CCDC178: variants seen among roughly 807,000 people sequenced by gnomAD.
CCDC178 encodes the protein coiled-coil domain-containing protein 178.
CCDC178 carries 126 observed loss-of-function variants against 117.4 expected under a neutral mutation model. That is an observed-to-expected ratio of 1.07 (90% CI 0.93 to 1.24). The LOEUF (loss-of-function observed/expected upper bound fraction) is 1.24, where lower values mean the gene tolerates loss of function less well. CCDC178 is among the 50% of genes most tolerant of loss of function. CCDC178 has a pLI of 0.00. For missense variants in CCDC178, 1,030 were observed against 986.9 expected (o/e 1.04, Z -0.59); for synonymous variants, 283 against 313.4 (o/e 0.90, Z 1.02).
chr18:33,292,353 T>C (rs2060177250), intron 12 of CCDC178, among the ~76,000 whole-genome samples: 1 of 152,150 alleles, frequency 6.6e-6, no homozygotes, highest in African/African-American at 2.4e-5. Flanking sequence ...TTCTCATTCA[T>C]ACATGGAAGC....
intron 22 of CCDC178, among the ~76,000 whole-genome samples, chr18:32,970,862 G>T (rs924846117): frequency 1.3e-5 from 2 of 151,888 alleles, no homozygotes; most frequent in Non-Finnish European, 2.9e-5. Flanking sequence ...ATACAATTGT[G>T]GTTCGTGGGT....
Position 33,421,051 on chromosome 18 carries a change from GT to G in CCDC178, c.-22-8942del, listed in dbSNP as rs946967538. Among the ~76,000 whole-genome samples, 197 of 152,292 alleles carry G rather than the reference GT, an allele frequency of 1.3e-3. 1 individual carries two copies. The highest frequency in any genetic ancestry group is 4.4e-3 in the African/African-American group (184 of 41,564). On this transcript the variant is annotated intron_variant, in intron 2 of 22. Coordinates refer to ENST00000383096, the MANE Select transcript of CCDC178 (RefSeq NM_001105528.4). ...GTGGGAGGGAGTCTATTTTAGACAG[GT>G]TCTTCTGAGAAATTCTCTTTGATGA...
At chr18:32,949,093 C>T (rs543935950) in intron 22 of CCDC178, among the ~76,000 whole-genome samples, 4 of 152,076 alleles carry the variant, frequency 2.6e-5, no homozygotes, top group Non-Finnish European at 5.9e-5. Context: ...TGCATTGTTA[C>T]TTATGAGAAA....
At chr18:33,386,233 A>AT (rs1331394839) in intron 5 of CCDC178, among the ~76,000 whole-genome samples, 7 of 152,212 alleles carry the variant, frequency 4.6e-5, no homozygotes, top group Non-Finnish European at 8.8e-5. Flanking sequence ...AACTAAAAAA[A>AT]GGCCCAGATC....
intron 15 of CCDC178, among the ~76,000 whole-genome samples, chr18:33,240,742 T>C (rs2059477625): frequency 6.6e-6 from 1 of 151,994 alleles, no homozygotes; most frequent in Non-Finnish European, 1.5e-5. Context: ...AATTCAGGAC[T>C]AGATGTCTTC....
intron 21 of CCDC178, among the ~76,000 whole-genome samples, chr18:32,991,195 C>T (rs565085511): frequency 4.6e-5 from 7 of 152,134 alleles, no homozygotes; most frequent in South Asian, 2.1e-4. Context: ...GTGGTAAAGC[C>T]GGTATTCAAA....
At chr18:33,140,190 G>A (rs562599831) in intron 20 of CCDC178, among the ~76,000 whole-genome samples, 5 of 152,272 alleles carry the variant, frequency 3.3e-5, no homozygotes, top group South Asian at 2.1e-4. Flanking sequence ...CTGCAGGGGC[G>A]TGGCTCTCGT....
At position 33,092,894 on chromosome 18, in the gene CCDC178, G is replaced by C. The variant is rs2057489344; in HGVS notation, c.2255C>G (p.Ser752Ter). ...AGCTAAACGCAGATTTTCTTCAAGT[G>C]AATCAGCTATTATTTTCTAGAAGGT... ...LQDTQKIIAD[S>*]LEENLRLAQE... is the part of the protein sequence containing the mutation. The change falls in exon 21 of 23, where the codon TCA becomes TGA. Residue 752 changes from serine (S) to a stop codon, truncating the protein, a stop_gained. Coordinates refer to ENST00000383096, the MANE Select transcript of CCDC178 (RefSeq NM_001105528.4). LOFTEE classifies it high-confidence loss of function. The C allele has an allele frequency of 6.4e-7, 1 of 1,561,356 alleles. No individual in the cohort carries two copies. The highest frequency in any genetic ancestry group is 1.4e-5 in the African/African-American group (1 of 72,198).
At chr18:33,388,343 C>T (rs1188711075) in intron 5 of CCDC178, among the ~76,000 whole-genome samples, 1 of 151,990 alleles carries the variant, frequency 6.6e-6, no homozygotes, top group African/African-American at 2.4e-5. Context: ...CCATTTGACC[C>T]AGCAACTGCA....
chr18:33,101,144 T>G (rs1457226698), intron 20 of CCDC178, among the ~76,000 whole-genome samples: 1 of 151,756 alleles, frequency 6.6e-6, no homozygotes, highest in East Asian at 1.9e-4. Flanking sequence ...TTTTTGAGTT[T>G]AATATTTTTT....
intron 11 of CCDC178, among the ~76,000 whole-genome samples, chr18:33,321,629 T>G (rs888440016): frequency 2.6e-5 from 4 of 151,952 alleles, no homozygotes; most frequent in Non-Finnish European, 4.4e-5. Flanking sequence ...CTGACAACAT[T>G]AAGTTTGCCT....
chr18:32,956,588 TAA>T (rs889243950), intron 22 of CCDC178: 1 of 152,338 alleles, frequency 6.6e-6, no homozygotes, highest in Admixed American at 6.5e-5. Context: ...CTATTTGAGT[TAA>T]TTAATTTATC....
At chr18:33,139,290 T>C (rs887512384) in intron 20 of CCDC178, among the ~76,000 whole-genome samples, 1 of 152,026 alleles carries the variant, frequency 6.6e-6, no homozygotes, top group African/African-American at 2.4e-5. Flanking sequence ...TTGATACCAG[T>C]AGAGTGGGGT....
chr18:33,257,264 A>G (rs1220640792), intron 14 of CCDC178, among the ~76,000 whole-genome samples: 4 of 152,102 alleles, frequency 2.6e-5, no homozygotes, highest in Non-Finnish European at 4.4e-5. Flanking sequence ...AAAAGAGGCC[A>G]GACTGGGAAT....
chr18:33,322,605 A>C (rs141661544), intron 11 of CCDC178, among the ~76,000 whole-genome samples: 1 of 151,908 alleles, frequency 6.6e-6, no homozygotes, highest in African/African-American at 2.4e-5. Flanking sequence ...TTAAAAATAC[A>C]TATTTCTTAA....
At chr18:33,196,186 G>A (rs749897387) in intron 20 of CCDC178, among the ~76,000 whole-genome samples, 1 of 152,144 alleles carries the variant, frequency 6.6e-6, no homozygotes, top group African/African-American at 2.4e-5. Flanking sequence ...AAAAACTAAC[G>A]ATTATCCTGA....
intron 20 of CCDC178, among the ~76,000 whole-genome samples, chr18:33,159,333 G>C (rs1339488205): frequency 6.6e-6 from 1 of 152,050 alleles, no homozygotes; most frequent in Non-Finnish European, 1.5e-5. Flanking sequence ...GAACATTATG[G>C]TATGATTTTG....
chr18:32,963,344 C>T (rs2054745622), intron 22 of CCDC178, among the ~76,000 whole-genome samples: 1 of 151,994 alleles, frequency 6.6e-6, no homozygotes, highest in Non-Finnish European at 1.5e-5. Context: ...GTTGCTCATT[C>T]CTGTTTTAAG....
chr18:33,290,249 C>A (rs2060150703), intron 12 of CCDC178, among the ~76,000 whole-genome samples: 1 of 152,118 alleles, frequency 6.6e-6, no homozygotes, highest in African/African-American at 2.4e-5. Context: ...TATATTAGAA[C>A]ATGAATTAAA....
Sources: allele counts gnomAD v4.1 joint callset (sites outside exome capture counted in the v4.1 genomes callset), GRCh38; gene constraint gnomAD v4.1.1; transcripts MANE v1.5; gene names NCBI Gene and HGNC (gene_info 2026-07-23, HGNC 2026-07-21).